ZFHX3: variants seen among roughly 807,000 people sequenced by gnomAD.
ZFHX3 encodes the protein zinc finger homeobox protein 3.
In ZFHX3, 42 loss-of-function variants were observed where a neutral mutation model predicts 279.1. The ratio of observed to expected loss-of-function variants is 0.15; its 90% CI spans 0.12 to 0.19. The LOEUF (loss-of-function observed/expected upper bound fraction) is 0.19, where lower values mean the gene tolerates loss of function less well. Ranked by LOEUF, ZFHX3 falls within the 10% of genes least tolerant of loss-of-function variation. ZFHX3 has a pLI of 1.00. For synonymous variants in ZFHX3, 2,293 were observed against 1,957.8 expected (o/e 1.17, Z -4.52); for missense variants, 4,981 against 4,754.0 (o/e 1.05, Z -1.40).
At chr16:73,538,504 A>G (rs888779069) in intron 2 of ZFHX3, among the ~76,000 whole-genome samples, 6 of 152,208 alleles carry the variant, frequency 3.9e-5, no homozygotes, top group African/African-American at 1.4e-4. Flanking sequence ...CTCCCTGAAA[A>G]AGTCATGTAA....
At chr16:72,908,060 CTCTGAACTCCAAG>C (rs1014689177) in intron 3 of ZFHX3, among the ~76,000 whole-genome samples, 1 of 152,184 alleles carries the variant, frequency 6.6e-6, no homozygotes, top group Non-Finnish European at 1.5e-5. Flanking sequence ...ATCCTTTCTC[CTCTGAACTCCAAG>C]TCTTGGGCTC....
chr16:72,810,096 G>T (rs2036396674), intron 7 of ZFHX3, among the ~76,000 whole-genome samples: 1 of 152,084 alleles, frequency 6.6e-6, no homozygotes, highest in African/African-American at 2.4e-5. Context: ...GTGTTAGCCA[G>T]GATGGTCTCG....
chr16:72,787,759 G>A lies in ZFHX3; in HGVS notation c.10517C>T (p.Thr3506Ile), dbSNP rs751631916. The A allele has an allele frequency of 7.0e-7, 1 of 1,429,124 alleles. No homozygotes were observed. The highest frequency in any genetic ancestry group is 9.2e-7 in the Non-Finnish European group (1 of 1,088,558). The allele number at this position is 1,429,124 out of a possible 1,614,324, so 88.5% of individuals were successfully genotyped here. A position where few individuals can be genotyped will look rare whatever the true frequency, so the allele number is the denominator to read the frequency against. The change falls in exon 10 of 10, where the codon ACC (threonine) becomes ATC (isoleucine). Residue 3506 changes from threonine to isoleucine, a missense_variant. Thr to Ile is a moderately conservative substitution (Grantham distance 89). Transcript: ENST00000268489. Reference sequence around the variant, plus strand: ...GCCACTGCCACCGCCGCCGCCGCCGGTGGGGACGTGAAGCACCATCTCTTG... The same window carrying A: ...GCCACTGCCACCGCCGCCGCCGCCGATGGGGACGTGAAGCACCATCTCTTG... ...NLQEMVLHVP[T>I]GGGGGGSGGG... is the part of the protein sequence containing the mutation.
At position 73,271,001 on chromosome 16, in the gene ZFHX3, G is replaced by A. The variant is rs560794185; in HGVS notation, c.-1193-13865C>T. On this transcript the variant is annotated intron_variant, in intron 4 of 17. Coordinates refer to the ZFHX3 transcript ENST00000641206. ...TGGAATTTTTTAAATTGGTGATTTCGTTTTGTTCTGTTTTTCATTAAGAAG... is the reference window on the plus strand; with the variant it reads ...TGGAATTTTTTAAATTGGTGATTTCATTTTGTTCTGTTTTTCATTAAGAAG... 5.9e-5 allele frequency among the ~76,000 whole-genome samples: 9 copies of A among 152,226 alleles called. No individual in the cohort carries two copies. The South Asian group carries it at 1.5e-3, about 25-fold the overall frequency.
intron 2 of ZFHX3, among the ~76,000 whole-genome samples, chr16:73,611,428 T>C (rs1215507082): frequency 6.6e-6 from 1 of 152,198 alleles, no homozygotes; most frequent in African/African-American, 2.4e-5. Context: ...TAGAACACAA[T>C]ACTCATTAAT....
intron 5 of ZFHX3, among the ~76,000 whole-genome samples, chr16:73,158,119 C>T (rs1367319850): frequency 6.6e-6 from 1 of 152,136 alleles, no homozygotes; most frequent in East Asian, 1.9e-4. Context: ...TAATTATGTC[C>T]TAAGAATGGG....
intron 3 of ZFHX3, among the ~76,000 whole-genome samples, chr16:73,423,478 C>A (rs929873): frequency 0.15 from 22,336 of 152,114 alleles, 2,234 homozygotes; most frequent in Middle Eastern, 0.27. Context: ...TGATCTCATG[C>A]ATTTGTCAGT....
At chr16:73,171,545 T>G (rs1967524702) in intron 5 of ZFHX3, among the ~76,000 whole-genome samples, 1 of 151,802 alleles carries the variant, frequency 6.6e-6, no homozygotes, top group Non-Finnish European at 1.5e-5. Context: ...TTCCTTGCAA[T>G]TTCACAGCCG....
At chr16:73,165,494 G>T (rs2144860378) in intron 5 of ZFHX3, among the ~76,000 whole-genome samples, 1 of 152,318 alleles carries the variant, frequency 6.6e-6, no homozygotes, top group East Asian at 1.9e-4. Context: ...AGTTGTTGCG[G>T]AGGAATCAGA....
chr16:73,078,964 G>T (rs1965914640), intron 8 of ZFHX3, among the ~76,000 whole-genome samples: 1 of 152,062 alleles, frequency 6.6e-6, no homozygotes, highest in African/African-American at 2.4e-5. Flanking sequence ...TTAAAACCAA[G>T]ATTGGAATGA....
intron 3 of ZFHX3, among the ~76,000 whole-genome samples, chr16:73,409,634 G>T (rs1351668790): frequency 2.0e-5 from 3 of 152,170 alleles, no homozygotes; most frequent in Admixed American, 6.5e-5. Context: ...CCCAAGAAGG[G>T]AAATTAGTAT....
chr16:73,393,030 T>A (rs1257263257), intron 3 of ZFHX3, among the ~76,000 whole-genome samples: 1 of 152,190 alleles, frequency 6.6e-6, no homozygotes. Flanking sequence ...AGATGGGGTT[T>A]CACCACATTG....
chr16:73,020,976 C>T (rs540461779), intron 1 of ZFHX3, among the ~76,000 whole-genome samples: 1 of 152,210 alleles, frequency 6.6e-6, no homozygotes, highest in South Asian at 2.1e-4. Flanking sequence ...TGAGATGTGT[C>T]CCCACTCTGC....
At chr16:73,335,041 T>A (rs1263717334) in intron 3 of ZFHX3, among the ~76,000 whole-genome samples, 1 of 152,078 alleles carries the variant, frequency 6.6e-6, no homozygotes, top group African/African-American at 2.4e-5. Flanking sequence ...GTAGAACCAA[T>A]TATTAGGTGA....
At position 72,918,167 on chromosome 16, in the gene ZFHX3, G is replaced by A. The variant is rs149453620; in HGVS notation, c.3217-28205C>T. Among the ~76,000 whole-genome samples the A allele has an allele frequency of 4.1e-3, 622 of 152,228 alleles. 4 individuals carry two copies. Among genetic ancestry groups the A allele is most frequent in the Non-Finnish European group, 6.9e-3 (468 of 68,018 alleles). On this transcript the variant is annotated intron_variant, in intron 3 of 9. Transcript: ENST00000268489. ...GAGTGAGGCCTCGCCAAAAGACCAC[G>A]TCCCATCAAAGGCATCATCATTCAA...
rs151184028 is a variant in ZFHX3 at position 73,715,625 on chromosome 16, T to G, written c.-1607-35385A>C. ...TCTCGCTATGTTGCCCAGGCTGGAA[T>G]GCAATGGTGCGATCTCGGCTCTCTG... is the stretch of plus-strand genomic sequence containing the variant. On this transcript the variant is annotated intron_variant, in intron 1 of 17. Coordinates refer to the ZFHX3 transcript ENST00000641206. Among the ~76,000 whole-genome samples the G allele has an allele frequency of 2.3e-4, 33 of 140,436 alleles. No homozygotes were observed. In the East Asian group the frequency reaches 7.0e-3, roughly 30 times the overall value. The allele number at this position is 140,436 out of a possible 152,430, so 92.1% of individuals were successfully genotyped here.
chr16:73,687,251 G>C (rs1434595908), intron 1 of ZFHX3, among the ~76,000 whole-genome samples: 1 of 150,434 alleles, frequency 6.6e-6, no homozygotes, highest in African/African-American at 2.4e-5. Flanking sequence ...AATTAGCTGT[G>C]AATGGTGGCA....
intron 2 of ZFHX3, among the ~76,000 whole-genome samples, chr16:73,653,780 T>C (rs1277563849): frequency 1.3e-5 from 2 of 151,716 alleles, no homozygotes; most frequent in Non-Finnish European, 2.9e-5. Flanking sequence ...TTGAAAGGAG[T>C]AAAATTGTAA....
At chr16:73,876,892 A>C (rs1469201381) in intron 1 of ZFHX3, among the ~76,000 whole-genome samples, 6 of 152,176 alleles carry the variant, frequency 3.9e-5, no homozygotes, top group Admixed American at 2.6e-4. Context: ...TTCACGGTCC[A>C]CATCTGGCTC....
Sources: allele counts gnomAD v4.1 joint callset (sites outside exome capture counted in the v4.1 genomes callset), GRCh38; gene constraint gnomAD v4.1.1; transcripts MANE v1.5; gene names NCBI Gene and HGNC (gene_info 2026-07-23, HGNC 2026-07-21).